Variants in KCNAB1 observed in about 807,000 individuals in gnomAD.
The protein encoded by KCNAB1 is potassium voltage-gated channel subfamily A regulatory beta subunit 1.
A neutral mutation model predicts 64.6 loss-of-function variants in KCNAB1; 35 were observed. The ratio of observed to expected loss-of-function variants is 0.54; its 90% CI spans 0.41 to 0.72. KCNAB1 has a LOEUF of 0.72. KCNAB1 is among the 30% of genes least tolerant of loss of function. The pLI, the probability that KCNAB1 is intolerant of heterozygous loss-of-function variation, is 0.00. For synonymous variants in KCNAB1, 177 were observed against 183.8 expected, an observed-to-expected ratio of 0.96 and a Z score of 0.30; for missense variants, 401 against 512.9, an observed-to-expected ratio of 0.78 and a Z score of 2.11.
At chr3:156,246,188 A>G (rs1171441125) in intron 1 of KCNAB1, among the ~76,000 whole-genome samples, 3 of 152,212 alleles carry the variant, frequency 2.0e-5, no homozygotes, top group Admixed American at 6.5e-5. Context: ...AAATTGCCCC[A>G]ATAGGTCATT....
intron 1 of KCNAB1, among the ~76,000 whole-genome samples, chr3:156,247,960 C>T (rs1434183238): frequency 6.6e-6 from 1 of 152,032 alleles, no homozygotes; most frequent in African/African-American, 2.4e-5. Flanking sequence ...CTCATATAAC[C>T]GTTTCTATAT....
intron 1 of KCNAB1, among the ~76,000 whole-genome samples, chr3:156,250,455 T>C (rs1717750457): frequency 6.6e-6 from 1 of 152,232 alleles, no homozygotes; most frequent in Non-Finnish European, 1.5e-5. Context: ...TCCTTTGCTC[T>C]CAGAACCCGT....
intron 1 of KCNAB1, among the ~76,000 whole-genome samples, chr3:156,309,602 A>G (rs1721747524): frequency 6.6e-6 from 1 of 152,270 alleles, no homozygotes; most frequent in African/African-American, 2.4e-5. Flanking sequence ...GTCGAGAACA[A>G]TGTTAGATAA....
At chr3:156,461,358 C>G (rs1712897065) in intron 5 of KCNAB1, among the ~76,000 whole-genome samples, 1 of 152,224 alleles carries the variant, frequency 6.6e-6, no homozygotes, top group African/African-American at 2.4e-5. Context: ...TGGTTGCCAG[C>G]CATCCTGGGC....
At chr3:156,264,727 AATG>A (rs1200814931) in intron 1 of KCNAB1, among the ~76,000 whole-genome samples, 1 of 152,146 alleles carries the variant, frequency 6.6e-6, no homozygotes, top group Non-Finnish European at 1.5e-5. Context: ...TGTATATAAT[AATG>A]ATAACAACAC....
intron 3 of KCNAB1, among the ~76,000 whole-genome samples, chr3:156,456,319 C>T (rs532598431): frequency 6.6e-6 from 1 of 152,228 alleles, no homozygotes; most frequent in Non-Finnish European, 1.5e-5. Flanking sequence ...CAATAATATA[C>T]CAGTATGTCA....
chr3:156,291,921 T>C (rs1720462416), intron 1 of KCNAB1: 2 of 1,614,006 alleles, frequency 1.2e-6, no homozygotes, highest in African/African-American at 2.7e-5. Flanking sequence ...CAAGTCTCCA[T>C]AGCCTGCACA....
intron 1 of KCNAB1, among the ~76,000 whole-genome samples, chr3:156,360,854 T>C (rs954448019): frequency 5.9e-5 from 9 of 152,168 alleles, no homozygotes; most frequent in Non-Finnish European, 1.0e-4. Flanking sequence ...GAATTCCAGC[T>C]GCTCCTCACC....
intron 2 of KCNAB1, chr3:156,441,427 T>G (rs1005556484): frequency 6.6e-6 from 1 of 152,136 alleles, no homozygotes; most frequent in African/African-American, 2.4e-5. Flanking sequence ...CATAGTAACT[T>G]ACTGTGGAAA....
intron 1 of KCNAB1, among the ~76,000 whole-genome samples, chr3:156,146,074 G>A (rs1019053608): frequency 7.9e-5 from 12 of 152,060 alleles, no homozygotes; most frequent in African/African-American, 2.7e-4. Flanking sequence ...TGGGTCCCTC[G>A]ATCATCTGTG....
In KCNAB1 at chr3:156,503,916, A is replaced by G. The variant is rs1261804621; in HGVS notation, c.659-10448A>G. On this transcript the variant is annotated intron_variant, in intron 8 of 13. Transcript: ENST00000490337. Reference sequence around the variant, plus strand: ...TCATTTCTTTGTGTTGGAAACATTCAAAATACTCTATTCTAGCTATTTGAA... The same window carrying G: ...TCATTTCTTTGTGTTGGAAACATTCGAAATACTCTATTCTAGCTATTTGAA... Among the ~76,000 whole-genome samples the G allele has an allele frequency of 2.0e-5, 3 of 152,224 alleles. No homozygotes were observed. In the East Asian group the frequency reaches 5.8e-4, roughly 29 times the overall value.
At chr3:156,266,138 G>A (rs1378824048) in intron 1 of KCNAB1, among the ~76,000 whole-genome samples, 1 of 152,080 alleles carries the variant, frequency 6.6e-6, no homozygotes, top group African/African-American at 2.4e-5. Flanking sequence ...TCCTACATTT[G>A]ATTTTAGCTC....
intron 8 of KCNAB1, among the ~76,000 whole-genome samples, chr3:156,492,054 G>C (rs1292188045): frequency 6.6e-6 from 1 of 152,100 alleles, no homozygotes; most frequent in Non-Finnish European, 1.5e-5. Flanking sequence ...GGAGGAACTA[G>C]AACTAGAATC....
At chr3:156,266,622 G>C (rs182867117) in intron 1 of KCNAB1, among the ~76,000 whole-genome samples, 7 of 152,298 alleles carry the variant, frequency 4.6e-5, no homozygotes, top group Admixed American at 4.6e-4. Context: ...AATTCACAAA[G>C]TCACTATTGC....
At chr3:156,535,859 T>C (rs748950081) in intron 13 of KCNAB1, among the ~76,000 whole-genome samples, 1 of 152,274 alleles carries the variant, frequency 6.6e-6, no homozygotes, top group East Asian at 1.9e-4. Flanking sequence ...AGGTGTCTGA[T>C]AGGGTTACTC....
At chr3:156,397,410 T>C (rs761453568) in intron 1 of KCNAB1, among the ~76,000 whole-genome samples, 8 of 152,244 alleles carry the variant, frequency 5.3e-5, no homozygotes, top group African/African-American at 9.6e-5. Context: ...TGCAAATGTC[T>C]GAACCGTCTG....
chr3:156,384,556 A>T (rs1042245676), intron 1 of KCNAB1, among the ~76,000 whole-genome samples: 2 of 152,244 alleles, frequency 1.3e-5, no homozygotes, highest in African/African-American at 2.4e-5. Flanking sequence ...GGGAGACCAA[A>T]TTAGGAAGAA....
At chr3:156,200,244 A>T (rs1167812358) in intron 1 of KCNAB1, among the ~76,000 whole-genome samples, 1 of 152,170 alleles carries the variant, frequency 6.6e-6, no homozygotes, top group Non-Finnish European at 1.5e-5. Flanking sequence ...GCTCTCCTGT[A>T]TGAGGTGTCT....
At chr3:156,138,927 A>G (rs1244140080) in intron 1 of KCNAB1, among the ~76,000 whole-genome samples, 1 of 152,164 alleles carries the variant, frequency 6.6e-6, no homozygotes, top group Non-Finnish European at 1.5e-5. Context: ...CTCCATCAGC[A>G]GGACGGGGCA....
Sources: gnomAD v4.1 joint callset for allele counts (sites outside exome capture counted in the v4.1 genomes callset) on GRCh38, gnomAD v4.1.1 for gene constraint, MANE v1.5 for transcripts, NCBI Gene and HGNC (gene_info 2026-07-23, HGNC 2026-07-21) for gene names.